MGAT5B: variants seen among roughly 807,000 people sequenced by gnomAD.
MGAT5B encodes alpha-1,6-mannosylglycoprotein 6-beta-N-acetylglucosaminyltransferase B, also known as N-acetylglucosaminyl-transferase Vb.
A neutral mutation model predicts 95.1 loss-of-function variants in MGAT5B; 54 were observed. That is an observed-to-expected ratio of 0.57 (90% CI 0.46 to 0.71). The LOEUF is 0.71. Among genes scored for constraint, MGAT5B ranks in the 30% least tolerant of loss-of-function variants. The pLI, the probability that MGAT5B is intolerant of heterozygous loss-of-function variation, is 0.00. For missense variants in MGAT5B, 935 were observed against 1,088.6 expected, an observed-to-expected ratio of 0.86 and a Z score of 1.99; for synonymous variants, 464 against 451.0, an observed-to-expected ratio of 1.03 and a Z score of -0.36.
At position 76,948,691 on chromosome 17, in the gene MGAT5B, G is replaced by A. The variant is rs201579511; in HGVS notation, c.2232G>A (p.Pro744=). The change falls in exon 18 of 18, where the codon CCG becomes CCA. Residue 744 remains proline (P), a synonymous_variant. Coordinates refer to ENST00000569840, the MANE Select transcript of MGAT5B (RefSeq NM_001199172.2). Reference sequence around the variant, plus strand: ...AGTCGGAGATGAACCACCTGTACCCGGCGTTCGCCCAGCCTGGCCAGGAGT... The same window carrying A: ...AGTCGGAGATGAACCACCTGTACCCAGCGTTCGCCCAGCCTGGCCAGGAGT... ...STESEMNHLY[P]AFAQPGQECY... 275 of 1,613,396 alleles carry A rather than the reference G, an allele frequency of 1.7e-4. No homozygotes were observed. The highest frequency in any genetic ancestry group is 4.5e-5 in the East Asian group (2 of 44,858).
intron 3 of MGAT5B, among the ~76,000 whole-genome samples, chr17:76,886,152 A>G (rs1429475291): frequency 6.6e-6 from 1 of 152,232 alleles, no homozygotes; most frequent in Non-Finnish European, 1.5e-5. Flanking sequence ...TGAATTTTCC[A>G]TAAGGCCATA....
intron 8 of MGAT5B, among the ~76,000 whole-genome samples, chr17:76,910,094 G>A (rs1200979744): frequency 6.6e-6 from 1 of 152,148 alleles, no homozygotes; most frequent in Non-Finnish European, 1.5e-5. Flanking sequence ...AGCTGTCCCC[G>A]AGTGCTAGTG....
intron 9 of MGAT5B, 87 bp downstream of exon 9, chr17:76,925,184 C>CA: frequency 6.4e-7 from 1 of 1,553,642 alleles, no homozygotes; most frequent in East Asian, 2.3e-5. Context: ...CGTCCCCACT[C>CA]AGCCAGCTGG....
chr17:76,902,416 G>T (rs1167419558), intron 3 of MGAT5B, 139 bp from the exon 4 acceptor site: 3 of 612,994 alleles, frequency 4.9e-6, no homozygotes, highest in Non-Finnish European at 8.9e-6. Flanking sequence ...CCCACCATTT[G>T]GTCTGCTTGG....
intron 3 of MGAT5B, among the ~76,000 whole-genome samples, chr17:76,892,936 C>CG (rs1967928992): frequency 6.6e-6 from 1 of 152,128 alleles, no homozygotes; most frequent in Admixed American, 6.5e-5. Flanking sequence ...CCCAAGGCCC[C>CG]AGGTAGAAAA....
At chr17:76,922,773 G>A (rs932058997) in intron 8 of MGAT5B, among the ~76,000 whole-genome samples, 4 of 152,346 alleles carry the variant, frequency 2.6e-5, no homozygotes, top group Middle Eastern at 6.8e-3. Context: ...AAGGTTGGAG[G>A]GATGGAGGAG....
chr17:76,883,211 G>A (rs967510687), intron 3 of MGAT5B, among the ~76,000 whole-genome samples: 1 of 151,900 alleles, frequency 6.6e-6, no homozygotes, highest in African/African-American at 2.4e-5. Flanking sequence ...TGTTGGCCAG[G>A]CTGGTCTCGA....
rs544857931 is a variant in MGAT5B, at chr17:76,878,350, C to T, written c.182-3801C>T. Among the ~76,000 whole-genome samples, 17 of 152,210 alleles carry T rather than the reference C, an allele frequency of 1.1e-4. No individual in the cohort carries two copies. The South Asian group carries it at 2.3e-3, about 20-fold the overall frequency. ...GGGAGCAGCTCCTGAGCCCCTGGCA[C>T]GGGGGGACTTGGTCCAGTCTGATGG... On this transcript the variant is annotated intron_variant, in intron 2 of 17. Coordinates refer to ENST00000569840, the MANE Select transcript of MGAT5B (RefSeq NM_001199172.2).
At chr17:76,934,296 C>T (rs995222593) in intron 12 of MGAT5B, among the ~76,000 whole-genome samples, 4 of 152,186 alleles carry the variant, frequency 2.6e-5, no homozygotes, top group Non-Finnish European at 4.4e-5. Flanking sequence ...AATGAGGACA[C>T]CAGGGCACAG....
At position 76,868,639 on chromosome 17, in the gene MGAT5B, G is replaced by A. The variant is rs1966885188; in HGVS notation, c.-391G>A. The A allele has an allele frequency of 6.8e-6, 1 of 147,798 alleles. No homozygotes were observed. 9.2% of individuals were successfully genotyped at this position (147,798 alleles called of 1,614,324 possible). On this transcript the variant is annotated 5_prime_UTR_variant, in exon 1 of 18. Transcript: ENST00000569840. The surrounding 1 kb of genome is among the most constrained non-coding windows in gnomAD (Gnocchi z 6.3). ...CCCGGGGCCGCCTTTAGCCGGCACC[G>A]AGGGCGCGGGGCCGGGGATGAGGGC... is the stretch of plus-strand genomic sequence containing the variant.
chr17:76,940,539 C>T lies in MGAT5B; in HGVS notation c.1722C>T (p.Thr574=), dbSNP rs137979170. The T allele has an allele frequency of 2.7e-5, 43 of 1,611,368 alleles. No homozygotes were observed. In the South Asian group the frequency reaches 3.5e-4, roughly 13 times the overall value. ...ACGAGTTCTTCCGAGGCAAGCCCAC[C>T]TCCAGAGAGGTGAGTGGAAAGCATC... ...LNHEFFRGKP[T]SREVFSQHPY... The change falls in exon 14 of 18, where the codon ACC becomes ACT. Residue 574 remains threonine (T), a synonymous_variant. Coordinates refer to ENST00000569840, the MANE Select transcript of MGAT5B (RefSeq NM_001199172.2). The surrounding 1 kb of genome is among the most constrained non-coding windows in gnomAD (Gnocchi z 4.3).
At chr17:76,874,158 C>T (rs1237496612) in intron 2 of MGAT5B, among the ~76,000 whole-genome samples, 5 of 152,168 alleles carry the variant, frequency 3.3e-5, no homozygotes, top group Non-Finnish European at 7.4e-5. Flanking sequence ...TCCTCAATCT[C>T]TGAGCCTCCA....
In MGAT5B at chr17:76,870,912, T is replaced by C. The variant is rs1348921538; in HGVS notation, c.68+1815T>C. Among the ~76,000 whole-genome samples, 1 of 152,058 alleles carries C rather than the reference T, an allele frequency of 6.6e-6. No homozygotes were observed. The highest frequency in any genetic ancestry group is 1.5e-5 in the Non-Finnish European group (1 of 67,990). On this transcript the variant is annotated intron_variant, in intron 1 of 17. Coordinates refer to ENST00000569840, the MANE Select transcript of MGAT5B (RefSeq NM_001199172.2). This position sits in a 1 kb window ranked among gnomAD's most constrained non-coding sequence, Gnocchi z 5.0. ...CATGGATGGCTGAAGCCATTTTAAC[T>C]TGAATCCACTCCAAATGGCCCCCAG...
chr17:76,876,230 G>GT (rs1967182339), intron 2 of MGAT5B, among the ~76,000 whole-genome samples: 1 of 152,222 alleles, frequency 6.6e-6, no homozygotes, highest in South Asian at 2.1e-4. Context: ...AACCTAGGAG[G>GT]TACCAGCATT....
chr17:76,945,854 C>A (rs1446705170), intron 15 of MGAT5B, among the ~76,000 whole-genome samples: 1 of 152,170 alleles, frequency 6.6e-6, no homozygotes, highest in Non-Finnish European at 1.5e-5. Context: ...ATAGTCCCCA[C>A]CCTCAAGGTG....
chr17:76,890,470 T>A (rs1173956909), intron 3 of MGAT5B, among the ~76,000 whole-genome samples: 2 of 152,210 alleles, frequency 1.3e-5, no homozygotes, highest in African/African-American at 4.8e-5. Context: ...ATAGCAAAGT[T>A]CCATAGCCTC....
At position 76,938,142 on chromosome 17, in the gene MGAT5B, A is replaced by T; in HGVS notation, c.1583A>T (p.Lys528Ile). ...TTTCAGCAGCTGCTGCGCAAGGCCAAAGTGAGCTCCCATCCCCCGCACCAT... is the reference window on the plus strand; with the variant it reads ...TTTCAGCAGCTGCTGCGCAAGGCCATAGTGAGCTCCCATCCCCCGCACCAT... Reference protein sequence around the residue: ...PEFQQLLRKAKLFIGFGFPYE... With the variant: ...PEFQQLLRKAILFIGFGFPYE... The change falls in exon 13 of 18, where the codon AAA (lysine) becomes ATA (isoleucine). Residue 528 changes from lysine (K) to isoleucine (I), a missense_variant and splice_region_variant. By Grantham distance (102) the Lys-to-Ile change is moderately radical (BLOSUM62 -3). Transcript: ENST00000569840. This position sits in a 1 kb window ranked among gnomAD's most constrained non-coding sequence, Gnocchi z 4.3. 6.2e-7 allele frequency: 1 copy of T among 1,613,902 alleles called. No homozygotes were observed. The highest frequency in any genetic ancestry group is 8.5e-7 in the Non-Finnish European group (1 of 1,179,912).
intron 3 of MGAT5B, among the ~76,000 whole-genome samples, chr17:76,895,269 A>T (rs1968026171): frequency 2.0e-5 from 3 of 152,010 alleles, no homozygotes; most frequent in Admixed American, 2.0e-4. Context: ...TAGTTGCAGG[A>T]AAATGAGTTG....
In MGAT5B at chr17:76,949,115, G is replaced by A. The variant is rs1458934905; in HGVS notation, c.*277G>A. 15 of 495,660 alleles carry A rather than the reference G, an allele frequency of 3.0e-5. No homozygotes were observed. Among genetic ancestry groups the A allele is most frequent in the Admixed American group, 2.5e-4 (7 of 28,366 alleles). The allele number at this position is 495,660 out of a possible 1,614,324, so 30.7% of individuals were successfully genotyped here. A position where few individuals can be genotyped will look rare whatever the true frequency, so the allele number is the denominator to read the frequency against. Reference sequence around the variant, plus strand: ...GCAGGTGTCGGACTGCTCAGAGTCCGCATGGCCCAGGAGCAGGTGGTCGGA... The same window carrying A: ...GCAGGTGTCGGACTGCTCAGAGTCCACATGGCCCAGGAGCAGGTGGTCGGA... On this transcript the variant is annotated 3_prime_UTR_variant, in exon 18 of 18. Coordinates refer to ENST00000569840, the MANE Select transcript of MGAT5B (RefSeq NM_001199172.2).
Sources: allele counts gnomAD v4.1 joint callset (sites outside exome capture counted in the v4.1 genomes callset), GRCh38; gene constraint gnomAD v4.1.1; non-coding constraint Gnocchi (gnomAD v3.1); transcripts MANE v1.5; gene names NCBI Gene and HGNC (gene_info 2026-07-23, HGNC 2026-07-21).